The following ZBTB20 variants were observed in gnomAD, a reference collection of about 807,000 sequenced individuals.
ZBTB20 encodes zinc finger and BTB domain-containing protein 20.
A neutral mutation model predicts 56.9 loss-of-function variants in ZBTB20; 9 were observed. The ratio of observed to expected loss-of-function variants is 0.16; its 90% CI spans 0.10 to 0.28. The LOEUF is 0.28. Ranked by LOEUF, ZBTB20 falls within the 10% of genes least tolerant of loss-of-function variation. ZBTB20 has a pLI of 1.00. For missense variants in ZBTB20, 655 were observed against 1,003.0 expected (o/e 0.65, Z 4.69); for synonymous variants, 417 against 420.7 (o/e 0.99, Z 0.11).
At chr3:115,065,462 A>AG (rs2082173116) in intron 2 of ZBTB20, among the ~76,000 whole-genome samples, 1 of 152,074 alleles carries the variant, frequency 6.6e-6, no homozygotes, top group Non-Finnish European at 1.5e-5. Flanking sequence ...ACATCTTCCA[A>AG]AAGTTGTGTC....
intron 2 of ZBTB20, among the ~76,000 whole-genome samples, chr3:115,008,732 T>A (rs992708216): frequency 6.6e-6 from 1 of 151,956 alleles, no homozygotes; most frequent in Non-Finnish European, 1.5e-5. Flanking sequence ...CCCTGATCTA[T>A]GTAATGGCAA....
At chr3:114,957,954 T>C (rs749673295) in intron 3 of ZBTB20, among the ~76,000 whole-genome samples, 11 of 152,168 alleles carry the variant, frequency 7.2e-5, no homozygotes, top group Non-Finnish European at 1.5e-4. Flanking sequence ...CTAAATTCAT[T>C]AGCAAAATGA....
rs188931523 is a variant in ZBTB20 at position 115,045,727 on chromosome 3, A to G, written c.-507+25492T>C. Among the ~76,000 whole-genome samples, 8 of 152,288 alleles carry G rather than the reference A, an allele frequency of 5.3e-5. No homozygotes were observed. The East Asian group carries it at 5.8e-4, about 11-fold the overall frequency. Reference sequence around the variant, plus strand: ...TAAATTATTCAGCCCTCCCTTTCAAAAAGTAAAGAAAATATTTTCAGAATA... The same window carrying G: ...TAAATTATTCAGCCCTCCCTTTCAAGAAGTAAAGAAAATATTTTCAGAATA... On this transcript the variant is annotated intron_variant, in intron 2 of 11. Transcript: ENST00000675478.
intron 6 of ZBTB20, among the ~76,000 whole-genome samples, chr3:114,650,528 T>C (rs1393485863): frequency 6.6e-6 from 1 of 151,906 alleles, no homozygotes. Context: ...ACAAAAAACA[T>C]AGCAGGGAGT....
intron 5 of ZBTB20, among the ~76,000 whole-genome samples, chr3:114,759,661 G>C (rs935956064): frequency 1.3e-5 from 2 of 151,910 alleles, no homozygotes; most frequent in Non-Finnish European, 2.9e-5. Flanking sequence ...CTCTTATCCT[G>C]CTATGTGATA....
At chr3:114,496,963 A>G (rs1284978790) in intron 7 of ZBTB20, among the ~76,000 whole-genome samples, 1 of 152,166 alleles carries the variant, frequency 6.6e-6, no homozygotes, top group Admixed American at 6.5e-5. Context: ...CCTGGTGACC[A>G]GGGGGCAGTA....
chr3:114,443,208 G>A (rs2091042784), intron 7 of ZBTB20, among the ~76,000 whole-genome samples: 1 of 152,172 alleles, frequency 6.6e-6, no homozygotes, highest in Non-Finnish European at 1.5e-5. Context: ...ATCTATAAAT[G>A]TAATGAATAC....
At chr3:114,937,362 T>C (rs1016357235) in intron 3 of ZBTB20, among the ~76,000 whole-genome samples, 2 of 152,206 alleles carry the variant, frequency 1.3e-5, no homozygotes, top group African/African-American at 4.8e-5. Context: ...ATTTCTCTAA[T>C]AACCAGTGAT....
At chr3:114,832,453 T>C (rs924394296) in intron 4 of ZBTB20, among the ~76,000 whole-genome samples, 2 of 152,074 alleles carry the variant, frequency 1.3e-5, no homozygotes, top group African/African-American at 4.8e-5. Context: ...GGTATCAGTA[T>C]CAAGGCAATT....
chr3:115,118,805 C>T (rs2084099401), intron 1 of ZBTB20, among the ~76,000 whole-genome samples: 1 of 149,082 alleles, frequency 6.7e-6, no homozygotes, highest in South Asian at 2.1e-4. Context: ...ACTGCAAGCT[C>T]CGCCTCCCGG....
chr3:114,528,123 C>G (rs2047444282), intron 6 of ZBTB20, among the ~76,000 whole-genome samples: 1 of 151,912 alleles, frequency 6.6e-6, no homozygotes, highest in African/African-American at 2.4e-5. Flanking sequence ...ATCACAAGCT[C>G]TGAGATAATT....
intron 1 of ZBTB20, among the ~76,000 whole-genome samples, chr3:115,133,430 T>TA (rs1158483639): frequency 6.6e-6 from 1 of 152,200 alleles, no homozygotes; most frequent in Admixed American, 6.5e-5. Context: ...TTAAAGTATA[T>TA]AATTCAGTGA....
chr3:114,315,061 C>T lies in ZBTB20; in HGVS notation c.*23944G>A, dbSNP rs956776471. On this transcript the variant is annotated 3_prime_UTR_variant, in exon 12 of 12. Coordinates refer to ENST00000675478, the MANE Select transcript of ZBTB20 (RefSeq NM_001348800.3). ...TGTTTGTTTGTTTGATAACTGACAA[C>T]AATTTAAGAGTATAATGAGAAAAAA... 1.3e-5 allele frequency: 2 copies of T among 151,844 alleles called. No homozygotes were observed. Among genetic ancestry groups the T allele is most frequent in the African/African-American group, 2.4e-5 (1 of 41,314 alleles). 9.4% of individuals were successfully genotyped at this position (151,844 alleles called of 1,614,324 possible). A position where few individuals can be genotyped will look rare whatever the true frequency, so the allele number is the denominator to read the frequency against.
chr3:114,687,024 T>C (rs1356984725), intron 6 of ZBTB20, among the ~76,000 whole-genome samples: 1 of 152,114 alleles, frequency 6.6e-6, no homozygotes, highest in Admixed American at 6.6e-5. Context: ...GTAATAGAAC[T>C]AAAACTCCAT....
intron 3 of ZBTB20, among the ~76,000 whole-genome samples, chr3:114,968,637 A>AC (rs2077746896): frequency 6.6e-6 from 1 of 152,166 alleles, no homozygotes; most frequent in Non-Finnish European, 1.5e-5. Flanking sequence ...GAAAAAAGAA[A>AC]ACACACTTCG....
intron 1 of ZBTB20, among the ~76,000 whole-genome samples, chr3:115,078,729 G>A (rs1401048438): frequency 2.0e-5 from 3 of 151,026 alleles, no homozygotes; most frequent in Non-Finnish European, 4.4e-5. Flanking sequence ...CAAGATAATA[G>A]AAATGAAAAC....
chr3:114,547,898 T>C (rs1026701278), intron 6 of ZBTB20, among the ~76,000 whole-genome samples: 5 of 152,246 alleles, frequency 3.3e-5, no homozygotes, highest in Admixed American at 6.5e-5. Flanking sequence ...TTTTCTATTA[T>C]TTGTAATTCT....
At chr3:114,887,667 T>C (rs1253433239) in intron 4 of ZBTB20, among the ~76,000 whole-genome samples, 2 of 152,310 alleles carry the variant, frequency 1.3e-5, no homozygotes, top group East Asian at 3.9e-4. Context: ...AGAGGGAATG[T>C]GGCCCTGCTG....
chr3:114,350,144 G>A, intron 11 of ZBTB20, 130 bp downstream of exon 11: 6 of 1,336,564 alleles, frequency 4.5e-6, no homozygotes, highest in Non-Finnish European at 6.1e-6. Flanking sequence ...TTCTAGAAGA[G>A]GCTTGTGGTG....
Sources: gnomAD v4.1 joint callset for allele counts (sites outside exome capture counted in the v4.1 genomes callset) on GRCh38, gnomAD v4.1.1 for gene constraint, MANE v1.5 for transcripts, NCBI Gene and HGNC (gene_info 2026-07-23, HGNC 2026-07-21) for gene names.